Variants in PTPRF observed in about 807,000 individuals in gnomAD.
The protein encoded by PTPRF is receptor-type tyrosine-protein phosphatase F.
In PTPRF, 59 loss-of-function variants were observed where a neutral mutation model predicts 201.8. That is an observed-to-expected ratio of 0.29 (90% confidence interval 0.24 to 0.36). The LOEUF (loss-of-function observed/expected upper bound fraction) is 0.36. PTPRF is among the 10% of genes least tolerant of loss of function. The pLI is 1.00. For missense variants in PTPRF, 2,132 were observed against 2,690.5 expected (o/e 0.79, Z 4.59); for synonymous variants, 1,088 against 1,089.7 (o/e 1.00, Z 0.03).
rs979764942 is a variant in PTPRF at position 43,546,913 on chromosome 1, C to G, written c.91+1747C>G. 6.6e-6 allele frequency among the ~76,000 whole-genome samples: 1 copy of G among 152,236 alleles called. No homozygotes were observed. Among genetic ancestry groups the G allele is most frequent in the Non-Finnish European group, 1.5e-5 (1 of 68,044 alleles). On this transcript the variant is annotated intron_variant, in intron 3 of 33. Transcript: ENST00000359947. This position sits in a 1 kb window ranked among gnomAD's most constrained non-coding sequence, Gnocchi z 4.2. ...ATATCTTTGGAATGCATCCACTTCT[C>G]TCTCTACCGCCTTCATCCAAGCCAC...
chr1:43,569,840 C>T lies in PTPRF; in HGVS notation c.568+62C>T, dbSNP rs1646448869. 6.0e-6 allele frequency: 9 copies of T among 1,511,088 alleles called. 1 individual carries two copies. In the South Asian group the frequency reaches 1.0e-4, roughly 17 times the overall value. 93.6% of individuals were successfully genotyped at this position (1,511,088 alleles called of 1,614,324 possible). On this transcript the variant is annotated intron_variant, in intron 6 of 33. Transcript: ENST00000359947. ...CTCAGAACAAGCGTCTTGTCAGATC[C>T]CAGCACAGCCTACTCCCTTGGGCCT...
chr1:43,580,025 A>C (rs1298807080), intron 7 of PTPRF: 1 of 151,018 alleles, frequency 6.6e-6, no homozygotes, highest in Non-Finnish European at 1.5e-5. Flanking sequence ...AGGTCGCGCC[A>C]CTGCACTCCA....
Position 43,619,720 on chromosome 1 carries a change from G to C in PTPRF, c.4973G>C (p.Ser1658Thr), listed in dbSNP as rs1349886664. 9 of 1,614,120 alleles carry C rather than the reference G, an allele frequency of 5.6e-6. No individual in the cohort carries two copies. The East Asian group carries it at 8.9e-5, about 16-fold the overall frequency. ...SSKAHTSRFI[S>T]ANLPCNKFKN... ...AAGGCCCACACGTCCCGCTTCATCA[G>C]CGCCAACCTGCCCTGCAACAAGTTC... The change falls in exon 29 of 34, where the codon AGC becomes ACC. Residue 1658 changes from serine (S) to threonine (T), a missense_variant. Around this residue, in one of 6 missense-constraint regions of PTPRF, gnomAD observed 519 missense variants for 659.5 expected, o/e 0.79. Transcript: ENST00000359947.
At chr1:43,596,144 G>A (rs1482991784) in intron 11 of PTPRF, among the ~76,000 whole-genome samples, 1 of 152,168 alleles carries the variant, frequency 6.6e-6, no homozygotes, top group Non-Finnish European at 1.5e-5. Flanking sequence ...GAACATGGAG[G>A]GTGGGAAGGA....
rs770030854 is a variant in PTPRF, at chr1:43,598,826, C to T, written c.2226C>T (p.Arg742=). 1.9e-6 allele frequency: 3 copies of T among 1,614,194 alleles called. No individual in the cohort carries two copies. Among genetic ancestry groups the T allele is most frequent in the African/African-American group, 1.3e-5 (1 of 75,056 alleles). The stretch of plus-strand genomic sequence containing the variant: ...CCAGCAAGCAGCATGGCCAGATCCG[C>T]GGCTACCAGGTCACCTACGTGCGGC... ...PVPSKQHGQI[R]GYQVTYVRLE... is the part of the protein sequence containing the mutation. Residue 742 remains arginine, a synonymous_variant, in exon 13 of 34, where the codon CGC becomes CGT. Coordinates refer to ENST00000359947, the MANE Select transcript of PTPRF (RefSeq NM_002840.5).
Position 43,553,930 on chromosome 1 carries a change from C to T in PTPRF, c.368C>T (p.Ser123Leu). Residue 123 changes from serine to leucine, a missense_variant, in exon 5 of 34, where the codon TCA becomes TTA. Around this residue, in one of 6 missense-constraint regions of PTPRF, gnomAD observed 297 missense variants for 454.0 expected, o/e 0.65. Coordinates refer to ENST00000359947, the MANE Select transcript of PTPRF (RefSeq NM_002840.5). The surrounding 1 kb of genome is among the most constrained non-coding windows in gnomAD (Gnocchi z 4.1). ...LGEINTSAKL[S>L]VLEEEQLPPG... ...GAGATCAACACTAGTGCCAAGCTCT[C>T]AGTGCTCGAAGGTACGTGCTAGGGA... 2 of 1,614,184 alleles carry T rather than the reference C, an allele frequency of 1.2e-6. No homozygotes were observed. Among genetic ancestry groups the T allele is most frequent in the South Asian group, 2.2e-5 (2 of 91,076 alleles).
At chr1:43,613,781 C>A in intron 23 of PTPRF, 66 bp downstream of exon 23, 1 of 1,385,834 alleles carries the variant, frequency 7.2e-7, no homozygotes, top group Non-Finnish European at 1.0e-6. Flanking sequence ...CCTGTCCTGT[C>A]CTAGGTCCCA....
intron 25 of PTPRF, 149 bp from the exon 26 acceptor site, chr1:43,618,481 A>G (rs1570724993): frequency 2.4e-4 from 214 of 881,524 alleles, no homozygotes; most frequent in Admixed American, 1.0e-3. Flanking sequence ...TGGCTTGTGG[A>G]GGACAGGGGG....
At chr1:43,618,931 G>A (rs1658512868) in intron 26 of PTPRF, 117 bp from the exon 27 acceptor site, 51 of 1,467,182 alleles carry the variant, frequency 3.5e-5, no homozygotes, top group Non-Finnish European at 4.7e-5. Context: ...GCTACTCTGT[G>A]TGGCTTCTGA....
At chr1:43,590,718 G>T (rs1037710753) in intron 8 of PTPRF, among the ~76,000 whole-genome samples, 1 of 152,228 alleles carries the variant, frequency 6.6e-6, no homozygotes, top group Non-Finnish European at 1.5e-5. Context: ...AGGGTCCAGT[G>T]AATCCCACAG....
At chr1:43,576,261 C>T (rs1646922307) in intron 6 of PTPRF, among the ~76,000 whole-genome samples, 1 of 152,248 alleles carries the variant, frequency 6.6e-6, no homozygotes, top group Non-Finnish European at 1.5e-5. Flanking sequence ...CCCCGGCTTC[C>T]CTAGACAGAA....
At chr1:43,589,697 A>G (rs1036305539) in intron 8 of PTPRF, among the ~76,000 whole-genome samples, 1,223 of 58,872 alleles carry the variant, frequency 0.021, 26 homozygotes, top group African/African-American at 0.049. Flanking sequence ...ATCTCTACGA[A>G]AAAAAAAAAA....
chr1:43,612,728 G>C (rs149472855), intron 22 of PTPRF: 1 of 1,353,190 alleles, frequency 7.4e-7, no homozygotes, highest in African/African-American at 1.5e-5. Flanking sequence ...TTCTTGCCCC[G>C]TTGTTTTTTT....
At chr1:43,562,307 A>AC (rs1305639386) in intron 5 of PTPRF, among the ~76,000 whole-genome samples, 2 of 152,058 alleles carry the variant, frequency 1.3e-5, no homozygotes, top group Non-Finnish European at 2.9e-5. Flanking sequence ...ATGGGGTTTC[A>AC]CCGTGTTAGC....
At chr1:43,555,409 C>T (rs994000830) in intron 5 of PTPRF, among the ~76,000 whole-genome samples, 1 of 151,278 alleles carries the variant, frequency 6.6e-6, no homozygotes, top group Non-Finnish European at 1.5e-5. Context: ...CTAACATCTT[C>T]CTTGCCACTA....
At position 43,604,997 on chromosome 1, in the gene PTPRF, T is replaced by C. The variant is rs781567773; in HGVS notation, c.3132T>C (p.Phe1044=). The C allele has an allele frequency of 2.0e-5, 32 of 1,613,538 alleles. No homozygotes were observed. The highest frequency in any genetic ancestry group is 2.5e-5 in the Non-Finnish European group (30 of 1,179,744). ...ACTCCTATAAGTCAGCTGTGCCCTT[T>C]AAGGTGAGTAAGGGCCACGGCCAGC... ...VPDSYKSAVP[F]KILYNGQSVE... Residue 1044 remains phenylalanine (F), a synonymous_variant, in exon 17 of 34, where the codon TTT becomes TTC. Transcript: ENST00000359947.
intron 21 of PTPRF, among the ~76,000 whole-genome samples, chr1:43,607,813 C>T (rs1655497928): frequency 6.6e-6 from 1 of 152,252 alleles, no homozygotes; most frequent in South Asian, 2.1e-4. Context: ...GGACTCAAGT[C>T]CATGCTCTGG....
Position 43,553,398 on chromosome 1 carries a change from G to T in PTPRF, c.92-94G>T. 1 of 1,373,290 alleles carries T rather than the reference G, an allele frequency of 7.3e-7. No individual in the cohort carries two copies. The highest frequency in any genetic ancestry group is 1.3e-5 in the South Asian group (1 of 74,344). The allele number at this position is 1,373,290 out of a possible 1,614,324, so 85.1% of individuals were successfully genotyped here. A position where few individuals can be genotyped will look rare whatever the true frequency, so the allele number is the denominator to read the frequency against. ...GTGAGGTGTCCTTGTTTTCTTTGTAGGTCTTTCTCTCTGCCCCCATGACTG... is the reference window on the plus strand; with the variant it reads ...GTGAGGTGTCCTTGTTTTCTTTGTATGTCTTTCTCTCTGCCCCCATGACTG... On this transcript the variant is annotated intron_variant, in intron 3 of 33. Transcript: ENST00000359947. This position sits in a 1 kb window ranked among gnomAD's most constrained non-coding sequence, Gnocchi z 4.1.
At chr1:43,534,253 CT>C (rs1158983945) in intron 1 of PTPRF, among the ~76,000 whole-genome samples, 6 of 152,186 alleles carry the variant, frequency 3.9e-5, no homozygotes, top group Admixed American at 1.3e-4. Flanking sequence ...TAATTTTACT[CT>C]GAGAACCCAG....
Sources: allele counts gnomAD v4.1 joint callset (sites outside exome capture counted in the v4.1 genomes callset), GRCh38; gene constraint gnomAD v4.1.1; regional missense constraint gnomAD v4.1.1; non-coding constraint Gnocchi (gnomAD v3.1); transcripts MANE v1.5; gene names NCBI Gene and HGNC (gene_info 2026-07-23, HGNC 2026-07-21).